The following SEMA6B variants were observed in gnomAD, a reference collection of about 807,000 sequenced individuals.
SEMA6B encodes semaphorin-6B.
Under a neutral mutation model 78.6 loss-of-function variants are expected in SEMA6B, and 47 were observed. The observed-to-expected ratio is 0.60, with a 90% CI of 0.47 to 0.76. SEMA6B has a LOEUF of 0.76. SEMA6B is among the 30% of genes least tolerant of loss of function. SEMA6B has a pLI of 0.00. For synonymous variants in SEMA6B, 632 were observed against 592.2 expected (o/e 1.07, Z -0.98); for missense variants, 1,213 against 1,269.9 (o/e 0.96, Z 0.68).
Position 4,550,302 on chromosome 19 carries a change from A to G in SEMA6B, c.1122-30T>C. ...GGGTGACAAGGGTGTGGTCAGGACG[A>G]ACGTAAAGGTTCTCATAAAGGGGCC... On this transcript the variant is annotated intron_variant, in intron 11 of 16. Coordinates refer to ENST00000586582, the MANE Select transcript of SEMA6B (RefSeq NM_032108.4). This position sits in a 1 kb window ranked among gnomAD's most constrained non-coding sequence, Gnocchi z 6.6. The G allele has an allele frequency of 1.2e-6, 2 of 1,610,758 alleles. No individual in the cohort carries two copies. Among genetic ancestry groups the G allele is most frequent in the Middle Eastern group, 3.3e-4 (2 of 6,054 alleles).
chr19:4,557,308 C>T (rs1033315142), intron 3 of SEMA6B, 85 bp from the exon 4 acceptor site: 4 of 928,508 alleles, frequency 4.3e-6, no homozygotes, highest in Non-Finnish European at 6.6e-6. Flanking sequence ...GTGGTGTGCA[C>T]ACGGGGGCAT....
intron 14 of SEMA6B, among the ~76,000 whole-genome samples, chr19:4,547,034 A>C (rs919197281): frequency 6.6e-6 from 1 of 151,930 alleles, no homozygotes; most frequent in Middle Eastern, 3.4e-3. Context: ...ATCATAGTTC[A>C]CTGCAGCCTC....
chr19:4,546,188 G>A (rs10404898), intron 16 of SEMA6B, 28 bp downstream of exon 16: 96,053 of 1,585,276 alleles, frequency 0.061, 5,304 homozygotes, highest in African/African-American at 0.29. Context: ...GGGGATGGGG[G>A]TCTTAGCCTG....
In SEMA6B at chr19:4,558,224, C is replaced by G. The variant is rs1299031349; in HGVS notation, c.122-75G>C. On this transcript the variant is annotated intron_variant, in intron 2 of 16. Transcript: ENST00000586582. This position sits in a 1 kb window ranked among gnomAD's most constrained non-coding sequence, Gnocchi z 5.1. ...AGGGTGGCCTGAGGTCATGCCCCTT[C>G]TAGGGGTGGCTCCTGGACTGCTTGA... 7.5e-7 allele frequency: 1 copy of G among 1,342,204 alleles called. No homozygotes were observed. Among genetic ancestry groups the G allele is most frequent in the Non-Finnish European group, 9.7e-7 (1 of 1,034,534 alleles). The allele number at this position is 1,342,204 out of a possible 1,614,324, so 83.1% of individuals were successfully genotyped here.
rs1977067101 is a variant in SEMA6B, at chr19:4,543,269, G to A, written c.*332C>T. 3.8e-6 allele frequency: 2 copies of A among 531,728 alleles called. No homozygotes were observed. Among genetic ancestry groups the A allele is most frequent in the East Asian group, 3.0e-5 (1 of 33,046 alleles). 32.9% of individuals were successfully genotyped at this position (531,728 alleles called of 1,614,324 possible). A position where few individuals can be genotyped will look rare whatever the true frequency, so the allele number is the denominator to read the frequency against. Reference sequence around the variant, plus strand: ...CCTCCCCTGCCTGCCGCCACCCCGAGAACGGAGTTGTGCAATTGGTTAGAA... The same window carrying A: ...CCTCCCCTGCCTGCCGCCACCCCGAAAACGGAGTTGTGCAATTGGTTAGAA... On this transcript the variant is annotated 3_prime_UTR_variant, in exon 17 of 17. Coordinates refer to ENST00000586582, the MANE Select transcript of SEMA6B (RefSeq NM_032108.4).
chr19:4,553,380 T>C (rs1408685678), intron 9 of SEMA6B, among the ~76,000 whole-genome samples: 2 of 38,170 alleles, frequency 5.2e-5, no homozygotes, highest in Non-Finnish European at 9.3e-5. Context: ...GATGGGTGAG[T>C]GGATGGATGG....
rs1404519605 is a variant in SEMA6B, at chr19:4,555,585, G to A, written c.472-21C>T. The A allele has an allele frequency of 8.7e-6, 14 of 1,602,202 alleles. No homozygotes were observed. Among genetic ancestry groups the A allele is most frequent in the Non-Finnish European group, 1.1e-5 (13 of 1,171,330 alleles). ...TCTATCTGCAGGGACCATGGGGCCT[G>A]AGTGACAGATCTCCTGACCCCACCT... is the stretch of plus-strand genomic sequence containing the variant. On this transcript the variant is annotated intron_variant, in intron 6 of 16. Coordinates refer to ENST00000586582, the MANE Select transcript of SEMA6B (RefSeq NM_032108.4). The surrounding 1 kb of genome is among the most constrained non-coding windows in gnomAD (Gnocchi z 6.1).
intron 4 of SEMA6B, 26 bp from the exon 5 acceptor site, chr19:4,557,039 G>C: frequency 1.2e-6 from 2 of 1,609,774 alleles, no homozygotes; most frequent in Non-Finnish European, 1.7e-6. Context: ...GCTGGTGAGG[G>C]GGTAACGGGT....
At position 4,557,231 on chromosome 19, in the gene SEMA6B, A is replaced by T; in HGVS notation, c.246-8T>A. On this transcript the variant is annotated splice_region_variant and splice_polypyrimidine_tract_variant and intron_variant, in intron 3 of 16. Transcript: ENST00000586582. ...ACGCGGTAGAGGTTGTCCCTGGGGG[A>T]GGGGCATAGTTAGTGAGAACTGGGG... 1 of 1,568,006 alleles carries T rather than the reference A, an allele frequency of 6.4e-7. No individual in the cohort carries two copies. Among genetic ancestry groups the T allele is most frequent in the African/African-American group, 1.4e-5 (1 of 73,842 alleles).
rs556695083 is a variant in SEMA6B, at chr19:4,550,617, G to A, written c.1121+182C>T. On this transcript the variant is annotated intron_variant, in intron 11 of 16. Transcript: ENST00000586582. The surrounding 1 kb of genome is among the most constrained non-coding windows in gnomAD (Gnocchi z 6.6). ...GACCTCAGGTGATCTGCCCACCTCCGCCTCCCAAAGGGCTAGGATTACAGG... is the reference window on the plus strand; with the variant it reads ...GACCTCAGGTGATCTGCCCACCTCCACCTCCCAAAGGGCTAGGATTACAGG... Among the ~76,000 whole-genome samples, 3 of 152,230 alleles carry A rather than the reference G, an allele frequency of 2.0e-5. No homozygotes were observed. Among genetic ancestry groups the A allele is most frequent in the South Asian group, 4.2e-4 (2 of 4,818 alleles).
rs1977292804 is a variant in SEMA6B at position 4,550,355 on chromosome 19, G to A, written c.1122-83C>T. 4.8e-6 allele frequency: 7 copies of A among 1,457,522 alleles called. No individual in the cohort carries two copies. Among genetic ancestry groups the A allele is most frequent in the South Asian group, 1.2e-5 (1 of 86,176 alleles). 90.3% of individuals were successfully genotyped at this position (1,457,522 alleles called of 1,614,324 possible). A position where few individuals can be genotyped will look rare whatever the true frequency, so the allele number is the denominator to read the frequency against. ...ATTCACCAGAGGTACCCATTGCTTT[G>A]CCCAACGACCCTCAGGTTTTTTGTT... is the stretch of plus-strand genomic sequence containing the variant. On this transcript the variant is annotated intron_variant, in intron 11 of 16. Transcript: ENST00000586582. This position sits in a 1 kb window ranked among gnomAD's most constrained non-coding sequence, Gnocchi z 6.6.
Position 4,557,234 on chromosome 19 carries a change from G to T in SEMA6B, c.246-11C>A. 1 of 1,562,212 alleles carries T rather than the reference G, an allele frequency of 6.4e-7. No homozygotes were observed. Among genetic ancestry groups the T allele is most frequent in the Non-Finnish European group, 8.7e-7 (1 of 1,153,002 alleles). On this transcript the variant is annotated splice_polypyrimidine_tract_variant and intron_variant, in intron 3 of 16. Transcript: ENST00000586582. Reference sequence around the variant, plus strand: ...CGGTAGAGGTTGTCCCTGGGGGAGGGGCATAGTTAGTGAGAACTGGGGGCT... The same window carrying T: ...CGGTAGAGGTTGTCCCTGGGGGAGGTGCATAGTTAGTGAGAACTGGGGGCT...
At position 4,544,503 on chromosome 19, in the gene SEMA6B, C is replaced by G. The variant is rs766674899; in HGVS notation, c.1765G>C (p.Asp589His). 1.3e-6 allele frequency: 2 copies of G among 1,563,208 alleles called. No individual in the cohort carries two copies. The highest frequency in any genetic ancestry group is 2.5e-5 in the East Asian group (1 of 40,176). ...TTCACCGACACCAGCCCCGCGCGGTCCTCGGAGAGGCTGGCCCGCAGGAGT... is the reference window on the plus strand; with the variant it reads ...TTCACCGACACCAGCCCCGCGCGGTGCTCGGAGAGGCTGGCCCGCAGGAGT... ...TGLLRASLSE[D>H]RAGLVSVNLL... is the part of the protein sequence containing the mutation. The change falls in exon 17 of 17, where the codon GAC (aspartate) becomes CAC (histidine). Residue 589 changes from aspartate to histidine, a missense_variant. Transcript: ENST00000586582. The surrounding 1 kb of genome is among the most constrained non-coding windows in gnomAD (Gnocchi z 5.1).
chr19:4,550,763 T>C lies in SEMA6B; in HGVS notation c.1121+36A>G. 6.2e-7 allele frequency: 1 copy of C among 1,610,700 alleles called. No individual in the cohort carries two copies. The highest frequency in any genetic ancestry group is 8.5e-7 in the Non-Finnish European group (1 of 1,178,570). ...CTCGGCCCTGGGGATCAGGACCTCATCCGGGCATGTGACTCAGGATGGAGG... is the reference window on the plus strand; with the variant it reads ...CTCGGCCCTGGGGATCAGGACCTCACCCGGGCATGTGACTCAGGATGGAGG... On this transcript the variant is annotated intron_variant, in intron 11 of 16. Coordinates refer to ENST00000586582, the MANE Select transcript of SEMA6B (RefSeq NM_032108.4). The surrounding 1 kb of genome is among the most constrained non-coding windows in gnomAD (Gnocchi z 6.6).
rs994032129 is a variant in SEMA6B at position 4,550,125 on chromosome 19, C to T, written c.1269G>A (p.Met423Ile). The T allele has an allele frequency of 1.9e-6, 3 of 1,613,732 alleles. No individual in the cohort carries two copies. The highest frequency in any genetic ancestry group is 2.5e-6 in the Non-Finnish European group (3 of 1,179,992). ...TGCCCTGCCTCTCCAGGACCGACCT[C>T]ATCAGGGTCCGCAGGATCCAGGGCG... The part of the protein sequence containing the change: ...GHAPWILRTL[M>I]RHQLTRVAVD... Residue 423 changes from methionine (M) to isoleucine (I), a missense_variant and splice_region_variant, in exon 12 of 17, where the codon ATG (methionine) becomes ATA (isoleucine). Transcript: ENST00000586582. This position sits in a 1 kb window ranked among gnomAD's most constrained non-coding sequence, Gnocchi z 6.6.
Position 4,550,387 on chromosome 19 carries a change from G to C in SEMA6B, c.1122-115C>G, listed in dbSNP as rs1977294848. On this transcript the variant is annotated intron_variant, in intron 11 of 16. Coordinates refer to ENST00000586582, the MANE Select transcript of SEMA6B (RefSeq NM_032108.4). The surrounding 1 kb of genome is among the most constrained non-coding windows in gnomAD (Gnocchi z 6.6). ...GACCCTCAGGTTTTTTGTTTGTTTT[G>C]TTTTTGAGACAGAGTCTCAATCTGT... The C allele has an allele frequency of 8.9e-7, 1 of 1,118,160 alleles. No individual in the cohort carries two copies. The highest frequency in any genetic ancestry group is 1.4e-5 in the South Asian group (1 of 70,300). The allele number at this position is 1,118,160 out of a possible 1,614,324, so 69.3% of individuals were successfully genotyped here.
rs940705999 is a variant in SEMA6B at position 4,548,263 on chromosome 19, C to T, written c.1454G>A (p.Arg485Lys). The T allele has an allele frequency of 3.1e-6, 5 of 1,605,672 alleles. No homozygotes were observed. The African/African-American group carries it at 4.0e-5, about 13-fold the overall frequency. The part of the protein sequence containing the change: ...LEEFETYRPD[R>K]CGRPGGGETG... ...CCTTCCCACCTTTGCCCAGACTTAC[C>T]TGTCCGGCCGGTAGGTCTCAAACTC... The change falls in exon 13 of 17, where the codon AGG (arginine) becomes AAG (lysine). Residue 485 changes from arginine (R) to lysine (K), a missense_variant and splice_region_variant. Transcript: ENST00000586582.
At chr19:4,546,079 G>C (rs1977156510) in intron 16 of SEMA6B, 137 bp downstream of exon 16, 2 of 920,486 alleles carry the variant, frequency 2.2e-6, no homozygotes, top group Non-Finnish European at 3.2e-6. Context: ...CCCACCCCAT[G>C]CCTTTCTAAA....
intron 8 of SEMA6B, 71 bp downstream of exon 8, chr19:4,554,905 G>A: frequency 6.4e-7 from 1 of 1,552,690 alleles, no homozygotes; most frequent in Non-Finnish European, 8.8e-7. Flanking sequence ...TCTTATTCTG[G>A]TGGGGAGATT....
Sources: gnomAD v4.1 joint callset for allele counts (sites outside exome capture counted in the v4.1 genomes callset) on GRCh38, gnomAD v4.1.1 for gene constraint, Gnocchi (gnomAD v3.1) non-coding constraint, MANE v1.5 for transcripts, NCBI Gene and HGNC (gene_info 2026-07-23, HGNC 2026-07-21) for gene names.